Variants in CACNB2 observed in about 807,000 individuals in gnomAD.
The protein encoded by CACNB2 is calcium voltage-gated channel auxiliary subunit beta 2.
CACNB2 carries 42 observed loss-of-function variants against 73.3 expected under a neutral mutation model. That is an observed-to-expected ratio of 0.57 (90% CI 0.45 to 0.74). The LOEUF is 0.74. Among genes scored for constraint, CACNB2 ranks in the 30% least tolerant of loss-of-function variants. The pLI is 0.00. For synonymous variants in CACNB2, 348 were observed against 310.3 expected, an observed-to-expected ratio of 1.12 and a Z score of -1.28; for missense variants, 940 against 853.0, an observed-to-expected ratio of 1.10 and a Z score of -1.27.
At chr10:18,336,116 A>G (rs945502520) in intron 2 of CACNB2, among the ~76,000 whole-genome samples, 1 of 152,212 alleles carries the variant, frequency 6.6e-6, no homozygotes, top group African/African-American at 2.4e-5. Flanking sequence ...AATGTTTCCA[A>G]ACTTTCAGAA....
rs2054033945 is a variant in CACNB2, at chr10:18,540,830, A to C, written c.*1106A>C. 1 of 152,634 alleles carries C rather than the reference A, an allele frequency of 6.6e-6. No individual in the cohort carries two copies. Among genetic ancestry groups the C allele is most frequent in the Admixed American group, 6.5e-5 (1 of 15,282 alleles). 9.5% of individuals were successfully genotyped at this position (152,634 alleles called of 1,614,324 possible). ...GAGACTGATATCGAGCATTCTGCCC[A>C]CCTCGCTCTGTATTTAATTAATTGT... On this transcript the variant is annotated 3_prime_UTR_variant, in exon 14 of 14. Transcript: ENST00000324631.
intron 3 of CACNB2, among the ~76,000 whole-genome samples, chr10:18,446,772 T>C (rs1459291271): frequency 6.6e-6 from 1 of 152,166 alleles, no homozygotes; most frequent in Non-Finnish European, 1.5e-5. Flanking sequence ...AGAAACTCTT[T>C]TTTAAAAATA....
chr10:18,185,986 A>C (rs958410734), intron 2 of CACNB2, among the ~76,000 whole-genome samples: 10 of 152,198 alleles, frequency 6.6e-5, no homozygotes, highest in African/African-American at 2.2e-4. Context: ...GGTGTTACTC[A>C]AAGAAAGCTT....
intron 2 of CACNB2, among the ~76,000 whole-genome samples, chr10:18,389,073 G>A (rs1418399838): frequency 6.6e-6 from 1 of 152,166 alleles, no homozygotes; most frequent in Non-Finnish European, 1.5e-5. Flanking sequence ...AACATTACAG[G>A]AAAAGAATTT....
chr10:18,256,917 G>A (rs1294462304), intron 2 of CACNB2: 1 of 152,224 alleles, frequency 6.6e-6, no homozygotes, highest in Non-Finnish European at 1.5e-5. Flanking sequence ...CTGCACTCCA[G>A]CCTGGGTAAC....
At chr10:18,432,132 T>G (rs985042329) in intron 3 of CACNB2, among the ~76,000 whole-genome samples, 4 of 152,204 alleles carry the variant, frequency 2.6e-5, no homozygotes, top group Admixed American at 2.6e-4. Flanking sequence ...CTTCCAAGTC[T>G]TAGAGGGGAG....
At chr10:18,401,673 T>C (rs1251843789) in intron 2 of CACNB2, among the ~76,000 whole-genome samples, 1 of 152,210 alleles carries the variant, frequency 6.6e-6, no homozygotes, top group Non-Finnish European at 1.5e-5. Flanking sequence ...TTGTTCTGGC[T>C]TCCAGGAAGG....
chr10:18,305,201 T>C (rs1034258762), intron 2 of CACNB2, among the ~76,000 whole-genome samples: 1 of 152,226 alleles, frequency 6.6e-6, no homozygotes, highest in Non-Finnish European at 1.5e-5. Context: ...GTCTACTTCA[T>C]GGACAGTAAA....
At chr10:18,193,353 A>G (rs1588667520) in intron 2 of CACNB2, among the ~76,000 whole-genome samples, 1 of 151,942 alleles carries the variant, frequency 6.6e-6, no homozygotes, top group Non-Finnish European at 1.5e-5. Context: ...ATTTTTGCCA[A>G]CACTTATTAT....
At chr10:18,295,888 G>A (rs567439635) in intron 2 of CACNB2, among the ~76,000 whole-genome samples, 19 of 152,012 alleles carry the variant, frequency 1.2e-4, no homozygotes, top group South Asian at 4.2e-4. Flanking sequence ...AAGGGGAAAA[G>A]GAAAGGGTTC....
Position 18,539,712 on chromosome 10 carries a change from C to T in CACNB2, c.1971C>T (p.Tyr657=), listed in dbSNP as rs370955038. 2.5e-6 allele frequency: 4 copies of T among 1,597,556 alleles called. No individual in the cohort carries two copies. The highest frequency in any genetic ancestry group is 3.4e-6 in the Non-Finnish European group (4 of 1,171,374). Residue 657 remains tyrosine (Y), a synonymous_variant, in exon 14 of 14, where the codon TAC becomes TAT. Transcript: ENST00000324631. ...NEAGEWNRDV[Y]IRQ is the part of the protein sequence containing the mutation. ...CTGGGGAGTGGAACAGGGATGTTTA[C>T]ATCCGCCAATGAGTTTTGCCCGTTT...
chr10:18,509,583 G>A (rs2050660688), intron 6 of CACNB2, among the ~76,000 whole-genome samples: 1 of 152,110 alleles, frequency 6.6e-6, no homozygotes. Context: ...AGGATCACTT[G>A]AGCCCAGGAG....
chr10:18,320,327 T>A (rs959990249), intron 2 of CACNB2, among the ~76,000 whole-genome samples: 2 of 152,208 alleles, frequency 1.3e-5, no homozygotes, highest in African/African-American at 2.4e-5. Context: ...GTTATGTTTG[T>A]TTCATTTGCT....
intron 1 of CACNB2, among the ~76,000 whole-genome samples, chr10:18,148,393 C>T (rs1353004528): frequency 6.6e-6 from 1 of 152,142 alleles, no homozygotes; most frequent in Non-Finnish European, 1.5e-5. Context: ...GTAATAATTT[C>T]ATTACATATA....
intron 1 of CACNB2, among the ~76,000 whole-genome samples, chr10:18,143,474 A>G (rs190617895): frequency 1.3e-3 from 199 of 152,370 alleles, no homozygotes; most frequent in African/African-American, 4.5e-3. Flanking sequence ...GGATTTTAAA[A>G]GCAAGTTTAA....
chr10:18,236,413 G>T (rs554871114), intron 2 of CACNB2, among the ~76,000 whole-genome samples: 3 of 152,350 alleles, frequency 2.0e-5, no homozygotes, highest in Admixed American at 6.5e-5. Flanking sequence ...AAAAACAGGT[G>T]AGGTAGAGAG....
intron 2 of CACNB2, among the ~76,000 whole-genome samples, chr10:18,170,218 T>C (rs7080195): frequency 0.49 from 73,924 of 152,028 alleles, 18,322 homozygotes; most frequent in East Asian, 0.58. Context: ...GGGTGTTCCT[T>C]CTCAGAGGGC....
chr10:18,160,799 C>T (rs1163551531), intron 2 of CACNB2, among the ~76,000 whole-genome samples: 2 of 152,162 alleles, frequency 1.3e-5, no homozygotes, highest in African/African-American at 4.8e-5. Context: ...CAGTTCCTTT[C>T]TCTCTTGTTT....
chr10:18,487,422 C>A (rs2049122692), intron 3 of CACNB2, among the ~76,000 whole-genome samples: 1 of 152,178 alleles, frequency 6.6e-6, no homozygotes. Flanking sequence ...ACTCTCTTAC[C>A]CTCACTGTTT....
Sources: gnomAD v4.1 joint callset for allele counts (sites outside exome capture counted in the v4.1 genomes callset) on GRCh38, gnomAD v4.1.1 for gene constraint, MANE v1.5 for transcripts, NCBI Gene and HGNC (gene_info 2026-07-23, HGNC 2026-07-21) for gene names.